Variants in SKIC3 observed in about 807,000 individuals in gnomAD.
SKIC3 encodes the protein superkiller complex protein 3.
chr5:95,494,085 T>TA, the SKIC3 span, among the ~76,000 whole-genome samples: 4 of 152,160 alleles, frequency 2.6e-5, no homozygotes, highest in African/African-American at 4.8e-5. Context: ...AATAATTTAG[T>TA]AACTATAGGT....
the SKIC3 span, among the ~76,000 whole-genome samples, chr5:95,470,377 T>C: frequency 3.3e-5 from 5 of 152,182 alleles, no homozygotes; most frequent in African/African-American, 1.2e-4. Flanking sequence ...TGATCCCTGC[T>C]CTAAAGGAGC....
the SKIC3 span, among the ~76,000 whole-genome samples, chr5:95,502,009 G>C: frequency 1.3e-5 from 2 of 152,176 alleles, no homozygotes; most frequent in African/African-American, 4.8e-5. Context: ...GGAAATGACT[G>C]TAATGGCACA....
chr5:95,504,082 G>A, the SKIC3 span: 1 of 367,630 alleles, frequency 2.7e-6, no homozygotes, highest in African/African-American at 2.2e-5. Context: ...GCCCAGGCGG[G>A]GGGTGGGGGT....
At chr5:95,547,783 A>T in the SKIC3 span, among the ~76,000 whole-genome samples, 1 of 152,252 alleles carries the variant, frequency 6.6e-6, no homozygotes, top group Non-Finnish European at 1.5e-5. Context: ...CAGATAAAAC[A>T]CTAACACAAA....
At chr5:95,534,305 T>C in the SKIC3 span, among the ~76,000 whole-genome samples, 5 of 152,058 alleles carry the variant, frequency 3.3e-5, no homozygotes, top group Non-Finnish European at 7.4e-5. Context: ...ACTCTCATAA[T>C]GTTAACTATC....
At chr5:95,537,043 T>G in the SKIC3 span, 1 of 1,613,302 alleles carries the variant, frequency 6.2e-7, no homozygotes, top group Non-Finnish European at 8.5e-7. Flanking sequence ...ATCAACTTAC[T>G]TTGGATAAAC....
chr5:95,503,081 A>G, the SKIC3 span: 9 of 1,567,358 alleles, frequency 5.7e-6, no homozygotes, highest in Non-Finnish European at 7.8e-6. Flanking sequence ...TTTCCTTTCC[A>G]AATTTTTTAG....
At chr5:95,489,168 T>C in the SKIC3 span, among the ~76,000 whole-genome samples, 24,696 of 151,830 alleles carry the variant, frequency 0.16, 2,203 homozygotes, top group East Asian at 0.34. Context: ...AAAAAATTAG[T>C]TGGGCATAGT....
the SKIC3 span, among the ~76,000 whole-genome samples, chr5:95,478,136 T>G: frequency 3.9e-5 from 6 of 152,106 alleles, no homozygotes; most frequent in African/African-American, 1.4e-4. Context: ...TCTATGTCCA[T>G]CACAAACCCA....
chr5:95,533,932 A>G, the SKIC3 span, among the ~76,000 whole-genome samples: 1 of 152,192 alleles, frequency 6.6e-6, no homozygotes, highest in African/African-American at 2.4e-5. Flanking sequence ...TCAGTCCTCA[A>G]AAAGAATTTT....
At chr5:95,491,113 A>T in the SKIC3 span, 4 of 1,547,748 alleles carry the variant, frequency 2.6e-6, no homozygotes, top group Non-Finnish European at 3.5e-6. Flanking sequence ...AATGAGATTA[A>T]GAGTTTACAA....
At chr5:95,516,480 T>C in the SKIC3 span, 2 of 1,612,336 alleles carry the variant, frequency 1.2e-6, no homozygotes, top group Non-Finnish European at 1.7e-6. Flanking sequence ...AAATTAGTAA[T>C]ACTAAATTTT....
At chr5:95,496,468 G>A in the SKIC3 span, among the ~76,000 whole-genome samples, 2 of 152,096 alleles carry the variant, frequency 1.3e-5, no homozygotes, top group African/African-American at 4.8e-5. Flanking sequence ...TAAGGTTCAA[G>A]GTGAATCAGA....
At chr5:95,523,611 T>C in the SKIC3 span, 1 of 1,598,042 alleles carries the variant, frequency 6.3e-7, no homozygotes, top group Non-Finnish European at 8.6e-7. Flanking sequence ...ATTTATATAC[T>C]CAGGATAAAA....
the SKIC3 span, chr5:95,478,579 A>G: frequency 2.8e-5 from 33 of 1,199,388 alleles, no homozygotes; most frequent in Non-Finnish European, 3.9e-5. Context: ...TGCCCAAAAA[A>G]CAATTACAGG....
the SKIC3 span, among the ~76,000 whole-genome samples, chr5:95,549,219 T>C: frequency 1.3e-5 from 2 of 151,904 alleles, no homozygotes; most frequent in East Asian, 3.9e-4. Context: ...CAGAGGCAAA[T>C]GCATTAGCAA....
At chr5:95,539,350 C>T in the SKIC3 span, among the ~76,000 whole-genome samples, 1 of 152,006 alleles carries the variant, frequency 6.6e-6, no homozygotes, top group African/African-American at 2.4e-5. Context: ...TGAAAAAATG[C>T]TCAACATCAC....
chr5:95,494,918 A>G, the SKIC3 span: 3 of 1,600,742 alleles, frequency 1.9e-6, no homozygotes, highest in Admixed American at 1.7e-5. Flanking sequence ...CTTCATCAAT[A>G]TTATTTAATA....
At chr5:95,541,790 T>C in the SKIC3 span, 1 of 1,518,176 alleles carries the variant, frequency 6.6e-7, no homozygotes, top group South Asian at 1.1e-5. Flanking sequence ...TGAAAGAAAC[T>C]GGACTTTCCT....
Sources: gnomAD v4.1 joint callset for allele counts (sites outside exome capture counted in the v4.1 genomes callset) on GRCh38, gnomAD v4.1.1 for gene constraint, MANE v1.5 for transcripts, NCBI Gene and HGNC (gene_info 2026-07-23, HGNC 2026-07-21) for gene names.